Variants in VCP observed in about 807,000 individuals in gnomAD.
VCP encodes valosin containing protein, also known as transitional endoplasmic reticulum ATPase.
Under a neutral mutation model 85.7 loss-of-function variants are expected in VCP, and 6 were observed. The ratio of observed to expected loss-of-function variants is 0.07; its 90% CI spans 0.04 to 0.14. The LOEUF is 0.14. Ranked by LOEUF, VCP falls within the 10% of genes least tolerant of loss-of-function variation. The pLI is 1.00. For missense variants in VCP, 353 were observed against 1,043.4 expected (o/e 0.34, Z 9.12); for synonymous variants, 384 against 367.1 (o/e 1.05, Z -0.53).
In VCP at chr9:35,057,041, T is replaced by C; in HGVS notation, c.*76A>G. 1 of 1,484,238 alleles carries C rather than the reference T, an allele frequency of 6.7e-7. No homozygotes were observed. The highest frequency in any genetic ancestry group is 1.1e-5 in the South Asian group (1 of 88,120). 91.9% of individuals were successfully genotyped at this position (1,484,238 alleles called of 1,614,324 possible). A position where few individuals can be genotyped will look rare whatever the true frequency, so the allele number is the denominator to read the frequency against. On this transcript the variant is annotated 3_prime_UTR_variant, in exon 17 of 17. Transcript: ENST00000358901. Reference sequence around the variant, plus strand: ...AGGCTGTGGGCGCACCCCTGGTCCCTCTCCTGGGCAAGCGCCCCCACCCCC... The same window carrying C: ...AGGCTGTGGGCGCACCCCTGGTCCCCCTCCTGGGCAAGCGCCCCCACCCCC...
chr9:35,058,452 A>G (rs1216493135), intron 15 of VCP, among the ~76,000 whole-genome samples: 1 of 152,224 alleles, frequency 6.6e-6, no homozygotes, highest in African/African-American at 2.4e-5. Context: ...ACCATCAGGG[A>G]TAAGTATATG....
chr9:35,061,305 T>C (rs1410317306), intron 10 of VCP, 126 bp from the exon 11 acceptor site: 5 of 1,299,356 alleles, frequency 3.8e-6, no homozygotes, highest in Non-Finnish European at 1.1e-6. Context: ...ATATATACTA[T>C]CAATACCTTT....
rs1385367880 is a variant in VCP at position 35,060,542 on chromosome 9, A to G, written c.1483-17T>C. The G allele has an allele frequency of 1.2e-6, 2 of 1,612,472 alleles. No individual in the cohort carries two copies. The highest frequency in any genetic ancestry group is 1.7e-6 in the Non-Finnish European group (2 of 1,179,022). ...CACAGGATACTAGGAGGAAAAGGAA[A>G]GAGGGTTCAAGGCTACCTCCACATT... On this transcript the variant is annotated splice_polypyrimidine_tract_variant and intron_variant, in intron 12 of 16. Coordinates refer to ENST00000358901, the MANE Select transcript of VCP (RefSeq NM_007126.5).
intron 6 of VCP, 131 bp downstream of exon 6, chr9:35,064,023 A>C: frequency 3.5e-6 from 5 of 1,435,294 alleles, no homozygotes; most frequent in Middle Eastern, 2.0e-4. Context: ...AAACTAAAGG[A>C]TACGTTATTG....
intron 1 of VCP, among the ~76,000 whole-genome samples, chr9:35,069,052 AG>A (rs1828888189): frequency 6.6e-6 from 1 of 152,192 alleles, no homozygotes; most frequent in South Asian, 2.1e-4. Flanking sequence ...GGGACAACGA[AG>A]CAGAATCATT....
intron 1 of VCP, among the ~76,000 whole-genome samples, chr9:35,068,795 T>TA (rs1420657237): frequency 3.9e-5 from 6 of 152,168 alleles, no homozygotes; most frequent in Non-Finnish European, 8.8e-5. Flanking sequence ...TTGGGCAAGT[T>TA]ACCTAACCTC....
chr9:35,060,024 C>CAGGAGGCTGA, intron 13 of VCP: 1 of 669,814 alleles, frequency 1.5e-6, no homozygotes, highest in Non-Finnish European at 2.5e-6. Flanking sequence ...CCCAGCTACT[C>CAGGAGGCTGA]AGGAGGCTGA....
intron 12 of VCP, 68 bp from the exon 13 acceptor site, chr9:35,060,593 G>A: frequency 1.3e-6 from 2 of 1,555,642 alleles, no homozygotes; most frequent in Non-Finnish European, 1.8e-6. Flanking sequence ...CTAAACAGAA[G>A]CATCCCCTCC....
At chr9:35,058,777 C>A (rs12555735) in intron 15 of VCP, among the ~76,000 whole-genome samples, 112 of 145,006 alleles carry the variant, frequency 7.7e-4, no homozygotes, top group African/African-American at 2.5e-3. Flanking sequence ...AAAAAAAAAA[C>A]AAAAAACAAA....
intron 15 of VCP, 33 bp from the exon 16 acceptor site, chr9:35,057,563 G>C (rs746753527): frequency 1.2e-6 from 2 of 1,602,592 alleles, no homozygotes; most frequent in African/African-American, 2.7e-5. Flanking sequence ...ACTAGGGCTA[G>C]TTAAAGCCCA....
At chr9:35,068,570 C>T (rs908885248) in intron 1 of VCP, among the ~76,000 whole-genome samples, 2 of 152,160 alleles carry the variant, frequency 1.3e-5, no homozygotes, top group African/African-American at 4.8e-5. Context: ...GTATTTTGAG[C>T]GTCAGTGTCC....
At chr9:35,068,438 A>G in intron 1 of VCP, 76 bp from the exon 2 acceptor site, 2 of 1,294,000 alleles carry the variant, frequency 1.5e-6, no homozygotes, top group African/African-American at 1.5e-5. Context: ...ATACTTAGGA[A>G]AGAAACAGTG....
chr9:35,063,813 T>A (rs1193495310), intron 6 of VCP, among the ~76,000 whole-genome samples: 2 of 152,260 alleles, frequency 1.3e-5, no homozygotes, highest in Non-Finnish European at 2.9e-5. Flanking sequence ...GACATTGCTC[T>A]AGACAGGCTG....
chr9:35,066,017 T>C (rs1828821872), intron 4 of VCP, among the ~76,000 whole-genome samples: 1 of 151,830 alleles, frequency 6.6e-6, no homozygotes, highest in Admixed American at 6.6e-5. Flanking sequence ...TCCCAGCTAC[T>C]TGGGAGGCTG....
At position 35,056,460 on chromosome 9, in the gene VCP, T is replaced by A. The variant is rs1196228427; in HGVS notation, c.*657A>T. Reference sequence around the variant, plus strand: ...TGATCAGGAGAGGAAGAAGGTGCAATCTTACTTCCAGGATTTCACATTTGG... The same window carrying A: ...TGATCAGGAGAGGAAGAAGGTGCAAACTTACTTCCAGGATTTCACATTTGG... On this transcript the variant is annotated 3_prime_UTR_variant, in exon 17 of 17. Transcript: ENST00000358901. The A allele has an allele frequency of 6.4e-6, 1 of 156,944 alleles. No individual in the cohort carries two copies. Among genetic ancestry groups the A allele is most frequent in the South Asian group, 1.9e-4 (1 of 5,180 alleles). The allele number at this position is 156,944 out of a possible 1,614,324, so 9.7% of individuals were successfully genotyped here.
rs1440311672 is a variant in VCP at position 35,057,230 on chromosome 9, C to T, written c.2316-8G>A. The T allele has an allele frequency of 4.3e-6, 7 of 1,614,084 alleles. No individual in the cohort carries two copies. Among genetic ancestry groups the T allele is most frequent in the Non-Finnish European group, 5.9e-6 (7 of 1,180,050 alleles). On this transcript the variant is annotated splice_polypyrimidine_tract_variant and splice_region_variant and intron_variant, in intron 16 of 16. Transcript: ENST00000358901. Reference sequence around the variant, plus strand: ...TGGTTCCCTGAAGGGAATCTGTGTACAAGAGCAAAGCCAAAAAAGAGGGTT... The same window carrying T: ...TGGTTCCCTGAAGGGAATCTGTGTATAAGAGCAAAGCCAAAAAAGAGGGTT...
At chr9:35,061,336 T>C (rs1214696164) in intron 10 of VCP, among the ~76,000 whole-genome samples, 157 bp from the exon 11 acceptor site, 1 of 152,218 alleles carries the variant, frequency 6.6e-6, no homozygotes, top group Non-Finnish European at 1.5e-5. Flanking sequence ...TTTTAAGTAC[T>C]TAATTCTGGA....
rs1337415717 is a variant in VCP, at chr9:35,072,595, A to C, written c.-242T>G. The C allele has an allele frequency of 2.1e-6, 1 of 487,586 alleles. No homozygotes were observed. The highest frequency in any genetic ancestry group is 3.5e-6 in the Non-Finnish European group (1 of 282,300). The allele number at this position is 487,586 out of a possible 1,614,324, so 30.2% of individuals were successfully genotyped here. On this transcript the variant is annotated 5_prime_UTR_variant, in exon 1 of 17. Transcript: ENST00000358901. The stretch of plus-strand genomic sequence containing the variant: ...GCAGCGGCAGCGGCAGCGACGACTC[A>C]AACGACGGTCGCAGACGCTTCGCTG...
At chr9:35,060,597 C>G in intron 12 of VCP, 72 bp from the exon 13 acceptor site, 1 of 1,549,934 alleles carries the variant, frequency 6.5e-7, no homozygotes, top group Non-Finnish European at 8.9e-7. Flanking sequence ...ACAGAAGCAT[C>G]CCCTCCATTA....
Sources: gnomAD v4.1 joint callset for allele counts (sites outside exome capture counted in the v4.1 genomes callset) on GRCh38, gnomAD v4.1.1 for gene constraint, MANE v1.5 for transcripts, NCBI Gene and HGNC (gene_info 2026-07-23, HGNC 2026-07-21) for gene names.